The following CSMD1 variants were observed in gnomAD, a reference collection of about 807,000 sequenced individuals.
The protein encoded by CSMD1 is CUB and Sushi multiple domains 1.
In CSMD1, 213 loss-of-function variants were observed where a neutral mutation model predicts 417.5. The observed-to-expected ratio is 0.51, with a 90% CI of 0.46 to 0.57. The LOEUF (loss-of-function observed/expected upper bound fraction) is 0.57, where lower values mean the gene tolerates loss of function less well. Among genes scored for constraint, CSMD1 ranks in the 20% least tolerant of loss-of-function variants. The pLI is 0.00. For missense variants in CSMD1, 6,923 were observed against 4,529.7 expected, an observed-to-expected ratio of 1.53 and a Z score of -15.17; for synonymous variants, 2,862 against 1,736.8, an observed-to-expected ratio of 1.65 and a Z score of -16.11.
intron 18 of CSMD1, among the ~76,000 whole-genome samples, chr8:3,376,945 C>T (rs1035285941): frequency 6.6e-6 from 1 of 152,196 alleles, no homozygotes. Flanking sequence ...TGAAAACTAT[C>T]AAACATGACT....
At chr8:4,353,401 C>T (rs1219563898) in intron 3 of CSMD1, among the ~76,000 whole-genome samples, 1 of 152,088 alleles carries the variant, frequency 6.6e-6, no homozygotes, top group Non-Finnish European at 1.5e-5. Context: ...ACTGTGAGTC[C>T]ACTAAACCTC....
At chr8:4,047,834 G>C (rs1798228183) in intron 3 of CSMD1, among the ~76,000 whole-genome samples, 1 of 151,534 alleles carries the variant, frequency 6.6e-6, no homozygotes, top group Non-Finnish European at 1.5e-5. Context: ...AAGTGGCATT[G>C]AAAAAAAATA....
intron 3 of CSMD1, among the ~76,000 whole-genome samples, chr8:4,298,091 G>T (rs191466932): frequency 6.6e-6 from 1 of 152,062 alleles, no homozygotes; most frequent in Non-Finnish European, 1.5e-5. Context: ...AAAACCCAGG[G>T]TATAAAGGAC....
At chr8:4,907,811 T>C (rs1315011830) in intron 1 of CSMD1, among the ~76,000 whole-genome samples, 4 of 151,954 alleles carry the variant, frequency 2.6e-5, no homozygotes, top group Admixed American at 2.6e-4. Context: ...AGCAATCCTC[T>C]TTCCTCAGCC....
intron 6 of CSMD1, among the ~76,000 whole-genome samples, chr8:3,734,544 C>G (rs1000024702): frequency 1.3e-5 from 2 of 152,140 alleles, no homozygotes; most frequent in East Asian, 1.9e-4. Flanking sequence ...AACCCTGTCT[C>G]TACTAAAAAT....
rs79697227 is a variant in CSMD1 at position 3,033,110 on chromosome 8, A to C, written c.7661-3597T>G. ...TTCTAGGCTACAGTTTCTATAAAAA[A>C]AATTTAAAGATATTTTATTTTGAAA... On this transcript the variant is annotated intron_variant, in intron 50 of 69. Transcript: ENST00000635120. Among the ~76,000 whole-genome samples the C allele has an allele frequency of 2.5e-3, 374 of 152,074 alleles. 11 individuals carry two copies. The East Asian group carries it at 0.065, about 26-fold the overall frequency.
chr8:4,894,152 C>G (rs1804318488), intron 1 of CSMD1, among the ~76,000 whole-genome samples: 1 of 152,030 alleles, frequency 6.6e-6, no homozygotes, highest in African/African-American at 2.4e-5. Context: ...TCTATTTTAA[C>G]AGTGAACAGT....
chr8:4,610,070 G>A (rs935573174), intron 2 of CSMD1, among the ~76,000 whole-genome samples: 6 of 150,292 alleles, frequency 4.0e-5, no homozygotes, highest in African/African-American at 1.5e-4. Context: ...CCAAATTCTT[G>A]CTATAAGGAT....
intron 3 of CSMD1, among the ~76,000 whole-genome samples, chr8:4,333,651 G>A (rs186672163): frequency 1.3e-5 from 2 of 152,080 alleles, no homozygotes; most frequent in Middle Eastern, 3.2e-3. Flanking sequence ...GACACACTGA[G>A]AACACATCAT....
chr8:3,126,015 A>G (rs1190364260), intron 41 of CSMD1, among the ~76,000 whole-genome samples: 1 of 152,202 alleles, frequency 6.6e-6, no homozygotes, highest in Non-Finnish European at 1.5e-5. Flanking sequence ...TCATCAACAC[A>G]TGAAGAAATC....
chr8:3,441,002 C>A (rs1039115893), intron 12 of CSMD1, among the ~76,000 whole-genome samples: 2 of 152,120 alleles, frequency 1.3e-5, no homozygotes, highest in East Asian at 3.9e-4. Flanking sequence ...GAGATTAGAT[C>A]ATCCTGGATT....
intron 1 of CSMD1, among the ~76,000 whole-genome samples, chr8:4,819,620 G>A (rs1459695562): frequency 6.6e-6 from 1 of 152,064 alleles, no homozygotes; most frequent in Admixed American, 6.5e-5. Flanking sequence ...TTTTAAGATT[G>A]GAATATCAAA....
intron 2 of CSMD1, among the ~76,000 whole-genome samples, chr8:4,434,697 C>G (rs1798053764): frequency 6.6e-6 from 1 of 152,092 alleles, no homozygotes; most frequent in Admixed American, 6.6e-5. Context: ...CAAAGAGTAA[C>G]AAATGTTTTC....
At chr8:3,422,772 T>C (rs1030230389) in intron 12 of CSMD1, among the ~76,000 whole-genome samples, 7 of 152,224 alleles carry the variant, frequency 4.6e-5, no homozygotes, top group African/African-American at 1.7e-4. Flanking sequence ...AGCAGAAATG[T>C]ATTTCTCATG....
chr8:4,169,657 C>T (rs1420985462), intron 3 of CSMD1, among the ~76,000 whole-genome samples: 1 of 152,106 alleles, frequency 6.6e-6, no homozygotes, highest in Non-Finnish European at 1.5e-5. Flanking sequence ...GCCATGAGAG[C>T]CAACGCCGGA....
chr8:4,385,679 T>G (rs1421798063), intron 3 of CSMD1, among the ~76,000 whole-genome samples: 1 of 152,128 alleles, frequency 6.6e-6, no homozygotes, highest in African/African-American at 2.4e-5. Flanking sequence ...CCAAAGCACA[T>G]GCTAAAAATA....
chr8:3,766,269 A>G (rs1416529037), intron 5 of CSMD1, among the ~76,000 whole-genome samples: 3 of 152,162 alleles, frequency 2.0e-5, no homozygotes, highest in South Asian at 2.1e-4. Flanking sequence ...ATCTCCTCAC[A>G]GGCCTTTCAA....
chr8:3,645,088 CACA>C (rs756469300), intron 7 of CSMD1, among the ~76,000 whole-genome samples: 47 of 151,770 alleles, frequency 3.1e-4, no homozygotes, highest in Non-Finnish European at 4.0e-4. Context: ...TCTTGAATTG[CACA>C]ACTTCTGTCC....
chr8:3,355,986 A>G (rs905548741), intron 21 of CSMD1, among the ~76,000 whole-genome samples: 1 of 152,198 alleles, frequency 6.6e-6, no homozygotes, highest in Non-Finnish European at 1.5e-5. Flanking sequence ...AAACCCTAAA[A>G]TGAATAAACA....
Sources: allele counts gnomAD v4.1 joint callset (sites outside exome capture counted in the v4.1 genomes callset), GRCh38; gene constraint gnomAD v4.1.1; transcripts MANE v1.5; gene names NCBI Gene and HGNC (gene_info 2026-07-23, HGNC 2026-07-21).